TBC1D5: variants seen among roughly 807,000 people sequenced by gnomAD.
The protein encoded by TBC1D5 is TBC1 domain family member 5, also known as TBC1 domain family, member 5.
A neutral mutation model predicts 100.3 loss-of-function variants in TBC1D5; 75 were observed. The observed-to-expected ratio is 0.75, with a 90% CI of 0.62 to 0.91. TBC1D5 has a LOEUF of 0.91. TBC1D5 is among the 40% of genes least tolerant of loss of function. TBC1D5 has a pLI of 0.00. For missense variants in TBC1D5, 910 were observed against 942.4 expected (o/e 0.97, Z 0.45); for synonymous variants, 323 against 325.6 (o/e 0.99, Z 0.09).
In TBC1D5 at chr3:17,333,785, T is replaced by C. The variant is rs143388455; in HGVS notation, c.996-25651A>G. ...ATGTTTAAGAAGTCAGGAAATATAG[T>C]AGGGTTGCTAGACAGTGCTAAGGTC... On this transcript the variant is annotated intron_variant, in intron 13 of 21. Coordinates refer to ENST00000253692, the Ensembl canonical transcript of TBC1D5. 3.9e-5 allele frequency among the ~76,000 whole-genome samples: 6 copies of C among 152,078 alleles called. No homozygotes were observed. In the East Asian group the frequency reaches 9.7e-4, roughly 25 times the overall value.
intron 16 of TBC1D5, among the ~76,000 whole-genome samples, chr3:17,246,650 CT>C (rs1443953819): frequency 6.6e-6 from 1 of 152,158 alleles, no homozygotes; most frequent in Non-Finnish European, 1.5e-5. Context: ...AAAGAAAAGA[CT>C]TTTTAACAAA....
intron 1 of TBC1D5, among the ~76,000 whole-genome samples, chr3:17,671,753 C>T (rs2067971611): frequency 1.3e-5 from 2 of 152,070 alleles, no homozygotes; most frequent in South Asian, 4.1e-4. Context: ...ATACAAAAAG[C>T]AAAAATTACA....
chr3:17,528,905 G>C, intron 2 of TBC1D5, among the ~76,000 whole-genome samples: 1 of 152,144 alleles, frequency 6.6e-6, no homozygotes, highest in East Asian at 1.9e-4. Context: ...ATGTCTTTTA[G>C]TCTCGAACTC....
chr3:17,336,592 G>C (rs1381348740), intron 13 of TBC1D5, among the ~76,000 whole-genome samples: 1 of 151,944 alleles, frequency 6.6e-6, no homozygotes, highest in Non-Finnish European at 1.5e-5. Flanking sequence ...AAAGAGGAAA[G>C]GGTGGCACCC....
intron 1 of TBC1D5, among the ~76,000 whole-genome samples, chr3:17,690,187 A>G (rs1324384423): frequency 6.6e-6 from 1 of 150,972 alleles, no homozygotes; most frequent in Non-Finnish European, 1.5e-5. Flanking sequence ...AGAGAACTGA[A>G]GCATAAAAAT....
chr3:17,640,474 AG>A lies in TBC1D5; in HGVS notation c.-100-16562del, dbSNP rs530723903. ...CCCAAAATATCAATTTCCTCTTAAA[AG>A]AAGAATTATTTTAGAACTTGAAAGT... On this transcript the variant is annotated intron_variant, in intron 1 of 21. Transcript: ENST00000253692. Among the ~76,000 whole-genome samples the A allele has an allele frequency of 3.5e-3, 529 of 152,246 alleles. 3 individuals are homozygous for A. Among genetic ancestry groups the A allele is most frequent in the African/African-American group, 0.012 (501 of 41,566 alleles).
intron 9 of TBC1D5, among the ~76,000 whole-genome samples, chr3:17,380,861 A>T (rs1029675454): frequency 6.6e-6 from 1 of 152,108 alleles, no homozygotes; most frequent in African/African-American, 2.4e-5. Flanking sequence ...CTACTACATG[A>T]TAACAGTCTC....
At chr3:17,570,749 T>C (rs1320986921) in intron 2 of TBC1D5, among the ~76,000 whole-genome samples, 2 of 152,008 alleles carry the variant, frequency 1.3e-5, no homozygotes, top group African/African-American at 2.4e-5. Context: ...TTCAATTACA[T>C]TTTATTGTAC....
At chr3:17,596,132 G>T (rs895486765) in intron 2 of TBC1D5, among the ~76,000 whole-genome samples, 1 of 152,054 alleles carries the variant, frequency 6.6e-6, no homozygotes, top group Non-Finnish European at 1.5e-5. Context: ...AAAAAAAGGG[G>T]TTCCATCAGA....
At chr3:17,676,684 G>T (rs960546622) in intron 1 of TBC1D5, among the ~76,000 whole-genome samples, 2 of 152,088 alleles carry the variant, frequency 1.3e-5, no homozygotes, top group Non-Finnish European at 2.9e-5. Context: ...AAAAGAGCCC[G>T]CATTGCCAAG....
At chr3:17,295,283 A>T (rs561600505) in intron 14 of TBC1D5, among the ~76,000 whole-genome samples, 2 of 152,208 alleles carry the variant, frequency 1.3e-5, no homozygotes, top group African/African-American at 2.4e-5. Flanking sequence ...AAGCTGCCCA[A>T]CTTCACTGAA....
chr3:17,283,958 T>C (rs951298726), intron 15 of TBC1D5, among the ~76,000 whole-genome samples: 7 of 152,102 alleles, frequency 4.6e-5, no homozygotes, highest in African/African-American at 1.7e-4. Flanking sequence ...CTCGTCTCTA[T>C]TCTTTGCCTG....
chr3:17,567,605 T>C (rs2096601679), intron 2 of TBC1D5, among the ~76,000 whole-genome samples: 1 of 151,710 alleles, frequency 6.6e-6, no homozygotes, highest in Admixed American at 6.6e-5. Context: ...TGATGGGAAC[T>C]TAAACATGTA....
intron 8 of TBC1D5, among the ~76,000 whole-genome samples, chr3:17,398,549 GATC>G (rs2093566949): frequency 6.6e-6 from 1 of 152,070 alleles, no homozygotes; most frequent in Admixed American, 6.6e-5. Flanking sequence ...GAACAACACT[GATC>G]ATCAGTGATA....
intron 2 of TBC1D5, among the ~76,000 whole-genome samples, chr3:17,612,450 A>G (rs2061749477): frequency 1.3e-5 from 2 of 152,196 alleles, no homozygotes; most frequent in African/African-American, 4.8e-5. Flanking sequence ...CAACAAAGAG[A>G]AACCCCGTCT....
At chr3:17,582,697 A>T (rs1257845911) in intron 2 of TBC1D5, among the ~76,000 whole-genome samples, 2 of 151,870 alleles carry the variant, frequency 1.3e-5, no homozygotes, top group Non-Finnish European at 2.9e-5. Context: ...AAAAAAAAAA[A>T]AATACAGGCA....
intron 16 of TBC1D5, among the ~76,000 whole-genome samples, chr3:17,243,913 G>A (rs1257942788): frequency 6.6e-6 from 1 of 152,088 alleles, no homozygotes; most frequent in African/African-American, 2.4e-5. Context: ...AAAGATTTGA[G>A]TTGTGTTTAT....
chr3:17,517,315 G>A (rs1390320006), intron 2 of TBC1D5, among the ~76,000 whole-genome samples: 1 of 152,150 alleles, frequency 6.6e-6, no homozygotes, highest in African/African-American at 2.4e-5. Flanking sequence ...GTGTTGAGCT[G>A]GAACTAAAAG....
intron 3 of TBC1D5, among the ~76,000 whole-genome samples, chr3:17,441,092 T>C (rs1019900638): frequency 6.6e-6 from 1 of 152,222 alleles, no homozygotes; most frequent in Non-Finnish European, 1.5e-5. Context: ...GTTATCAACA[T>C]TGATGATACC....
Sources: gnomAD v4.1 joint callset for allele counts (sites outside exome capture counted in the v4.1 genomes callset) on GRCh38, gnomAD v4.1.1 for gene constraint, MANE v1.5 for transcripts, NCBI Gene and HGNC (gene_info 2026-07-23, HGNC 2026-07-21) for gene names.